ELMO1: variants seen among roughly 807,000 people sequenced by gnomAD.
ELMO1 encodes the protein engulfment and cell motility 1, also known as engulfment and cell motility protein 1.
ELMO1 carries 26 observed loss-of-function variants against 98.9 expected under a neutral mutation model. The observed-to-expected ratio is 0.26, with a 90% CI of 0.19 to 0.36. The LOEUF is 0.36. ELMO1 is among the 10% of genes least tolerant of loss of function. The pLI is 1.00. For missense variants in ELMO1, 627 were observed against 935.2 expected (o/e 0.67, Z 4.30); for synonymous variants, 346 against 346.0 (o/e 1.00, Z 0.00).
At chr7:37,050,566 G>A (rs58524498) in intron 15 of ELMO1, among the ~76,000 whole-genome samples, 6,521 of 148,734 alleles carry the variant, frequency 0.044, 427 homozygotes, top group African/African-American at 0.14. Flanking sequence ...GTATTGTATT[G>A]TATGCTGGAA....
intron 20 of ELMO1, 60 bp from the exon 21 acceptor site, chr7:36,861,796 T>C (rs1802652136): frequency 2.0e-6 from 3 of 1,493,278 alleles, no homozygotes; most frequent in Non-Finnish European, 2.8e-6. Flanking sequence ...ATTTTGCAGT[T>C]GCAAATGGCT....
At chr7:37,194,819 G>T (rs1385779120) in intron 13 of ELMO1, among the ~76,000 whole-genome samples, 1 of 152,160 alleles carries the variant, frequency 6.6e-6, no homozygotes, top group Non-Finnish European at 1.5e-5. Flanking sequence ...TGGAATTTCA[G>T]AAACACTTTA....
In ELMO1 at chr7:36,898,932, C is replaced by A. The variant is rs115898973; in HGVS notation, c.1438-3915G>T. ...GTCAGGTGTTCACTCCATGAACACT[C>A]ATGGAGGCCCTCCCAAAGGGCTGAG... On this transcript the variant is annotated intron_variant, in intron 16 of 21. Transcript: ENST00000310758. Among the ~76,000 whole-genome samples, 1,071 of 152,262 alleles carry A rather than the reference C, an allele frequency of 7.0e-3. 15 individuals carry two copies. The highest frequency in any genetic ancestry group is 0.024 in the African/African-American group (984 of 41,548).
intron 15 of ELMO1, among the ~76,000 whole-genome samples, chr7:37,024,486 A>G (rs1184424061): frequency 6.6e-6 from 1 of 152,220 alleles, no homozygotes; most frequent in African/African-American, 2.4e-5. Context: ...TCTGGAATCC[A>G]GTGAACTGAT....
intron 4 of ELMO1, among the ~76,000 whole-genome samples, chr7:37,297,058 A>G (rs1385989707): frequency 7.7e-6 from 1 of 129,222 alleles, no homozygotes; most frequent in African/African-American, 2.6e-5. Context: ...TCAATGACAT[A>G]TTTTATAAGA....
chr7:37,314,983 T>A lies in ELMO1; in HGVS notation c.120-61A>T, dbSNP rs1040328989. Reference sequence around the variant, plus strand: ...AAAGTGGCCATTTTCATTTTTACAATTTTTTAGTGTTGGATGAACTAAGCA... The same window carrying A: ...AAAGTGGCCATTTTCATTTTTACAAATTTTTAGTGTTGGATGAACTAAGCA... On this transcript the variant is annotated intron_variant, in intron 3 of 21. Coordinates refer to ENST00000310758, the MANE Select transcript of ELMO1 (RefSeq NM_014800.11). The A allele has an allele frequency of 3.4e-6, 5 of 1,486,972 alleles. No homozygotes were observed. The African/African-American group carries it at 6.9e-5, about 21-fold the overall frequency. The allele number at this position is 1,486,972 out of a possible 1,614,324, so 92.1% of individuals were successfully genotyped here.
chr7:37,229,737 A>T, intron 8 of ELMO1, among the ~76,000 whole-genome samples: 1 of 152,250 alleles, frequency 6.6e-6, no homozygotes, highest in East Asian at 1.9e-4. Context: ...TTTTCTGATG[A>T]CTATTTTTTC....
chr7:37,154,026 G>A (rs759160643), intron 13 of ELMO1, among the ~76,000 whole-genome samples: 24 of 152,308 alleles, frequency 1.6e-4, no homozygotes, highest in African/African-American at 5.5e-4. Flanking sequence ...AAAAGGGTCT[G>A]GAGTGGACCT....
intron 4 of ELMO1, among the ~76,000 whole-genome samples, chr7:37,292,919 C>G (rs868677446): frequency 1.1e-4 from 5 of 43,726 alleles, no homozygotes; most frequent in Admixed American, 2.5e-4. Flanking sequence ...AGGGAGGTGG[C>G]GGGGTCAGTC....
At chr7:37,174,576 G>A (rs542282033) in intron 13 of ELMO1, among the ~76,000 whole-genome samples, 1 of 152,270 alleles carries the variant, frequency 6.6e-6, no homozygotes, top group Non-Finnish European at 1.5e-5. Context: ...CAGAGCTCTT[G>A]TAATCCAGCA....
chr7:37,071,692 GA>G (rs748955800), intron 15 of ELMO1, among the ~76,000 whole-genome samples: 65 of 151,982 alleles, frequency 4.3e-4, no homozygotes, highest in Non-Finnish European at 8.4e-4. Context: ...GGTGTAACTT[GA>G]AAAAAACAAA....
At chr7:36,979,186 T>C (rs2129141953) in intron 16 of ELMO1, among the ~76,000 whole-genome samples, 1 of 152,258 alleles carries the variant, frequency 6.6e-6, no homozygotes, top group East Asian at 1.9e-4. Context: ...GAAACTTCCA[T>C]GGCAAAAGAG....
chr7:37,357,183 G>A (rs1431987640), intron 1 of ELMO1, among the ~76,000 whole-genome samples: 1 of 152,120 alleles, frequency 6.6e-6, no homozygotes, highest in Non-Finnish European at 1.5e-5. Context: ...TTTGTTTCTG[G>A]GGCTTTGGGT....
intron 16 of ELMO1, among the ~76,000 whole-genome samples, chr7:36,909,818 G>A (rs1373612407): frequency 6.6e-6 from 1 of 152,142 alleles, no homozygotes; most frequent in Non-Finnish European, 1.5e-5. Context: ...TGACCATATT[G>A]TCCCAAAGTA....
chr7:37,320,957 C>A (rs1799459307), intron 2 of ELMO1, among the ~76,000 whole-genome samples: 1 of 152,206 alleles, frequency 6.6e-6, no homozygotes, highest in South Asian at 2.1e-4. Context: ...TGTCACTACT[C>A]CCTATGCAGA....
At chr7:37,100,523 G>A (rs746704504) in intron 14 of ELMO1, among the ~76,000 whole-genome samples, 2 of 152,160 alleles carry the variant, frequency 1.3e-5, no homozygotes, top group African/African-American at 2.4e-5. Flanking sequence ...GCATCACATG[G>A]CTGATTTATA....
intron 1 of ELMO1, among the ~76,000 whole-genome samples, chr7:37,370,913 GTA>G (rs1802091446): frequency 6.6e-6 from 1 of 151,218 alleles, no homozygotes; most frequent in Non-Finnish European, 1.5e-5. Flanking sequence ...CTCTCCTGGG[GTA>G]TATATCCTGG....
intron 13 of ELMO1, 34 bp from the exon 14 acceptor site, chr7:37,133,268 T>C: frequency 6.4e-7 from 1 of 1,552,308 alleles, no homozygotes; most frequent in Non-Finnish European, 8.8e-7. Context: ...TAAGGTGAAT[T>C]CTTCAGCAGA....
intron 13 of ELMO1, among the ~76,000 whole-genome samples, chr7:37,179,075 C>T (rs1790676815): frequency 6.6e-6 from 1 of 152,028 alleles, no homozygotes; most frequent in Admixed American, 6.6e-5. Context: ...ATTAGCATTG[C>T]CGGAAGCTAG....
Sources: gnomAD v4.1 joint callset for allele counts (sites outside exome capture counted in the v4.1 genomes callset) on GRCh38, gnomAD v4.1.1 for gene constraint, MANE v1.5 for transcripts, NCBI Gene and HGNC (gene_info 2026-07-23, HGNC 2026-07-21) for gene names.